Variants in IGF1R observed in about 807,000 individuals in gnomAD.
IGF1R encodes insulin-like growth factor 1 receptor.
In IGF1R, 44 loss-of-function variants were observed where a neutral mutation model predicts 144.6. That is an observed-to-expected ratio of 0.30 (90% CI 0.24 to 0.39). IGF1R has a LOEUF of 0.39. Among genes scored for constraint, IGF1R ranks in the 10% least tolerant of loss-of-function variants. The probability of loss-of-function intolerance (pLI) is 1.00; values close to 1 mark genes in which losing one functional copy is unlikely to be tolerated. For synonymous variants in IGF1R, 795 were observed against 722.8 expected (o/e 1.10, Z -1.60); for missense variants, 1,355 against 1,833.7 (o/e 0.74, Z 4.77).
chr15:98,887,325 T>C (rs2013688614), intron 2 of IGF1R, among the ~76,000 whole-genome samples: 1 of 152,208 alleles, frequency 6.6e-6, no homozygotes, highest in African/African-American at 2.4e-5. Flanking sequence ...GTCAGTTTTT[T>C]TTTTTCTTTT....
chr15:98,831,003 C>G (rs117109728), intron 2 of IGF1R, among the ~76,000 whole-genome samples: 2,338 of 152,186 alleles, frequency 0.015, 24 homozygotes, highest in Middle Eastern at 0.027. Context: ...AAGAGAGACG[C>G]CAGATCTCCT....
At chr15:98,835,519 CT>C (rs908705576) in intron 2 of IGF1R, among the ~76,000 whole-genome samples, 3 of 152,116 alleles carry the variant, frequency 2.0e-5, no homozygotes, top group African/African-American at 4.8e-5. Context: ...GTCTTAATAC[CT>C]TTTGTCCACC....
At position 98,783,849 on chromosome 15, in the gene IGF1R, A is replaced by C. The variant is rs541785221; in HGVS notation, c.640+75742A>C. On this transcript the variant is annotated intron_variant, in intron 2 of 20. Transcript: ENST00000650285. Reference sequence around the variant, plus strand: ...AGTGCTGCTGTCACAAAGTGGGTTTATAGATAGTACCACGCTATCCTTCTT... The same window carrying C: ...AGTGCTGCTGTCACAAAGTGGGTTTCTAGATAGTACCACGCTATCCTTCTT... Among the ~76,000 whole-genome samples, 13 of 151,898 alleles carry C rather than the reference A, an allele frequency of 8.6e-5. No homozygotes were observed. In the South Asian group the frequency reaches 2.7e-3, roughly 32 times the overall value.
At chr15:98,933,765 C>T (rs565970747) in intron 15 of IGF1R, among the ~76,000 whole-genome samples, 1 of 45,234 alleles carries the variant, frequency 2.2e-5, no homozygotes. Context: ...AGAGCCCAGG[C>T]CAGAGCCCTG....
Position 98,923,976 on chromosome 15 carries a change from T to C in IGF1R, c.2586T>C (p.Ile862=). Residue 862 remains isoleucine (I), a synonymous_variant, in exon 12 of 21, where the codon ATT becomes ATC. Coordinates refer to ENST00000650285, the MANE Select transcript of IGF1R (RefSeq NM_000875.5). ...AACCTGAGAATCCCAATGGATTGATTCTAATGTATGAAATAAAATACGGAT... is the reference window on the plus strand; with the variant it reads ...AACCTGAGAATCCCAATGGATTGATCCTAATGTATGAAATAAAATACGGAT... ...WPEPENPNGL[I]LMYEIKYGSQ... 1 of 1,614,092 alleles carries C rather than the reference T, an allele frequency of 6.2e-7. No homozygotes were observed. Among genetic ancestry groups the C allele is most frequent in the Non-Finnish European group, 8.5e-7 (1 of 1,179,934 alleles).
chr15:98,924,335 G>A (rs1891417903), intron 12 of IGF1R, among the ~76,000 whole-genome samples, 190 bp from the exon 13 acceptor site: 3 of 152,154 alleles, frequency 2.0e-5, no homozygotes, highest in Admixed American at 1.3e-4. Flanking sequence ...AAAGCTTTTG[G>A]GTGTGCTTAA....
intron 2 of IGF1R, among the ~76,000 whole-genome samples, chr15:98,810,770 G>C (rs1187995209): frequency 6.6e-6 from 1 of 151,280 alleles, no homozygotes; most frequent in Non-Finnish European, 1.5e-5. Context: ...GGATGGTCTT[G>C]ATCTCCTGAC....
chr15:98,747,554 G>A (rs1045808069), intron 2 of IGF1R, among the ~76,000 whole-genome samples: 1 of 152,154 alleles, frequency 6.6e-6, no homozygotes, highest in Non-Finnish European at 1.5e-5. Flanking sequence ...TTGAATATAG[G>A]TTATTTTGCA....
chr15:98,741,340 G>C (rs1053546491), intron 2 of IGF1R, among the ~76,000 whole-genome samples: 1 of 146,744 alleles, frequency 6.8e-6, no homozygotes, highest in Non-Finnish European at 1.5e-5. Context: ...TAGATGCTAC[G>C]TATAGAAGTG....
chr15:98,818,764 C>A (rs2056748354), intron 2 of IGF1R, among the ~76,000 whole-genome samples: 4 of 129,590 alleles, frequency 3.1e-5, no homozygotes, highest in Non-Finnish European at 1.6e-5. Flanking sequence ...CTAGTCATGA[C>A]AATCAAAAAT....
At chr15:98,738,723 C>CT (rs1225845807) in intron 2 of IGF1R, among the ~76,000 whole-genome samples, 1 of 152,180 alleles carries the variant, frequency 6.6e-6, no homozygotes, top group African/African-American at 2.4e-5. Flanking sequence ...CAACTCTGTA[C>CT]TTGAATACTT....
At chr15:98,909,833 G>A (rs1293045048) in intron 6 of IGF1R, among the ~76,000 whole-genome samples, 2 of 152,188 alleles carry the variant, frequency 1.3e-5, no homozygotes, top group Admixed American at 1.3e-4. Flanking sequence ...AAAACTTTAA[G>A]GTCTCATATC....
At chr15:98,849,828 C>T (rs776775106) in intron 2 of IGF1R, among the ~76,000 whole-genome samples, 6 of 152,138 alleles carry the variant, frequency 3.9e-5, no homozygotes, top group Non-Finnish European at 5.9e-5. Flanking sequence ...TTCACTCATA[C>T]GAGAAATGCA....
At chr15:98,680,120 C>G (rs998898044) in intron 1 of IGF1R, among the ~76,000 whole-genome samples, 4 of 151,974 alleles carry the variant, frequency 2.6e-5, no homozygotes, top group Non-Finnish European at 5.9e-5. Context: ...TTTAGTGAGG[C>G]CTAGGTATAC....
chr15:98,885,612 A>G (rs2013602002), intron 2 of IGF1R, among the ~76,000 whole-genome samples: 1 of 152,160 alleles, frequency 6.6e-6, no homozygotes, highest in Non-Finnish European at 1.5e-5. Flanking sequence ...AGTGGTGTGT[A>G]CCTTAGGGCA....
chr15:98,808,939 A>G (rs892869712), intron 2 of IGF1R, among the ~76,000 whole-genome samples: 3 of 152,184 alleles, frequency 2.0e-5, no homozygotes, highest in Admixed American at 6.5e-5. Context: ...CTCCTGCCTC[A>G]GCCTCCCAAA....
intron 1 of IGF1R, among the ~76,000 whole-genome samples, chr15:98,703,673 G>T (rs1454432019): frequency 6.6e-6 from 1 of 152,206 alleles, no homozygotes; most frequent in Non-Finnish European, 1.5e-5. Context: ...GAAATTCACA[G>T]TTCCAGCTCT....
chr15:98,944,552 G>A (rs1331886541), intron 19 of IGF1R, among the ~76,000 whole-genome samples: 3 of 152,210 alleles, frequency 2.0e-5, no homozygotes, highest in Non-Finnish European at 4.4e-5. Flanking sequence ...CTAAACTAAA[G>A]CTGTCCCTCT....
intron 2 of IGF1R, among the ~76,000 whole-genome samples, chr15:98,727,575 C>T (rs565394204): frequency 2.6e-5 from 4 of 152,180 alleles, no homozygotes; most frequent in African/African-American, 9.6e-5. Flanking sequence ...CTCTGCAAGG[C>T]CTTGCAAGTG....
Sources: allele counts gnomAD v4.1 joint callset (sites outside exome capture counted in the v4.1 genomes callset), GRCh38; gene constraint gnomAD v4.1.1; transcripts MANE v1.5; gene names NCBI Gene and HGNC (gene_info 2026-07-23, HGNC 2026-07-21).